PTK2: variants seen among roughly 807,000 people sequenced by gnomAD.
PTK2 encodes the protein protein tyrosine kinase 2.
A neutral mutation model predicts 150.1 loss-of-function variants in PTK2; 45 were observed. The observed-to-expected ratio is 0.30, with a 90% CI of 0.24 to 0.38. PTK2 has a LOEUF of 0.38. PTK2 is among the 10% of genes least tolerant of loss of function. The probability of loss-of-function intolerance (pLI) is 1.00; values close to 1 mark genes in which losing one functional copy is unlikely to be tolerated. For synonymous variants in PTK2, 432 were observed against 449.2 expected, an observed-to-expected ratio of 0.96 and a Z score of 0.48; for missense variants, 919 against 1,307.3, an observed-to-expected ratio of 0.70 and a Z score of 4.58.
intron 22 of PTK2, among the ~76,000 whole-genome samples, chr8:140,730,881 A>G (rs1246037262): frequency 1.3e-5 from 2 of 151,836 alleles, no homozygotes; most frequent in Non-Finnish European, 2.9e-5. Flanking sequence ...CAAATAATAA[A>G]GCTGTTTATT....
intron 2 of PTK2, among the ~76,000 whole-genome samples, chr8:140,913,603 T>A (rs951367232): frequency 1.3e-5 from 2 of 152,068 alleles, no homozygotes; most frequent in African/African-American, 4.8e-5. Context: ...GCCAGAAAAT[T>A]AAACTTAAAA....
At chr8:140,929,903 G>C (rs2100171109) in intron 1 of PTK2, among the ~76,000 whole-genome samples, 1 of 152,158 alleles carries the variant, frequency 6.6e-6, no homozygotes, top group African/African-American at 2.4e-5. Context: ...CCATGTCACT[G>C]TAAGTGCATC....
intron 31 of PTK2, among the ~76,000 whole-genome samples, chr8:140,664,333 G>A (rs1384769655): frequency 1.3e-5 from 2 of 151,970 alleles, no homozygotes; most frequent in East Asian, 3.9e-4. Context: ...GTAGAGATAG[G>A]GTCTCACTAT....
At chr8:140,722,986 G>C (rs1225385268) in intron 22 of PTK2, among the ~76,000 whole-genome samples, 1 of 152,326 alleles carries the variant, frequency 6.6e-6, no homozygotes, top group Non-Finnish European at 1.5e-5. Context: ...GGGCCACTCT[G>C]ATCTTAAGGC....
intron 1 of PTK2, among the ~76,000 whole-genome samples, chr8:140,932,097 C>G (rs1327346205): frequency 6.6e-6 from 1 of 152,170 alleles, no homozygotes; most frequent in Non-Finnish European, 1.5e-5. Context: ...CCCACTGACC[C>G]CATTCTCCTC....
chr8:140,758,641 A>T (rs1334657441), intron 16 of PTK2, among the ~76,000 whole-genome samples: 2 of 152,222 alleles, frequency 1.3e-5, no homozygotes, highest in Admixed American at 6.5e-5. Flanking sequence ...AAAAAAGTTT[A>T]AAAAATTAAA....
chr8:140,842,395 A>AT (rs769484157), intron 7 of PTK2, among the ~76,000 whole-genome samples: 4 of 152,096 alleles, frequency 2.6e-5, no homozygotes, highest in East Asian at 1.9e-4. Context: ...TTGACAATCA[A>AT]TATCTCCCAT....
intron 4 of PTK2, among the ~76,000 whole-genome samples, chr8:140,872,187 C>T (rs1472388783): frequency 6.6e-6 from 1 of 151,830 alleles, no homozygotes; most frequent in Non-Finnish European, 1.5e-5. Flanking sequence ...TGGGATTACA[C>T]GTGTGCACCA....
At position 140,675,681 on chromosome 8, in the gene PTK2, T is replaced by C. The variant is rs563312665; in HGVS notation, c.2563-182A>G. The C allele has an allele frequency of 8.8e-6, 5 of 565,524 alleles. No homozygotes were observed. In the East Asian group the frequency reaches 8.8e-5, roughly 10 times the overall value. 35.0% of individuals were successfully genotyped at this position (565,524 alleles called of 1,614,324 possible). On this transcript the variant is annotated intron_variant, in intron 27 of 31. Transcript: ENST00000522684. ...GTGGGGGATCAGGCAAATAAGCAAA[T>C]GATGCCAATAGCATGTGTGGAAAGG...
rs560944957 is a variant in PTK2, at chr8:140,684,288, G to A, written c.2562+2344C>T. ...TCATCAGGCATTAGAGTCTCATAAG[G>A]AGTGTGCAATCTAGATCTCTCACAT... On this transcript the variant is annotated intron_variant, in intron 27 of 31. Coordinates refer to ENST00000522684, the Ensembl canonical transcript of PTK2. Among the ~76,000 whole-genome samples the A allele has an allele frequency of 9.8e-5, 15 of 152,338 alleles. 1 individual carries two copies. The South Asian group carries it at 3.1e-3, about 32-fold the overall frequency.
chr8:141,001,239 C>CCGGCGGCGGCGGCGGCGGCGGCGG (rs559713729), upstream of PTK2: 8 of 148,208 alleles, frequency 5.4e-5, no homozygotes, highest in African/African-American at 2.0e-4. Flanking sequence ...TGGTCCGGGA[C>CCGGCGGCGGCGGCGGCGGCGGCGG]CGGCGGCGGC....
intron 26 of PTK2, among the ~76,000 whole-genome samples, chr8:140,688,600 G>A (rs1245591753): frequency 6.6e-6 from 1 of 152,090 alleles, no homozygotes; most frequent in Middle Eastern, 3.4e-3. Flanking sequence ...GTGTGCCTGA[G>A]TCCCAGCTAC....
chr8:140,959,493 C>G (rs1377359849), intron 1 of PTK2, among the ~76,000 whole-genome samples: 1 of 142,962 alleles, frequency 7.0e-6, no homozygotes, highest in Non-Finnish European at 1.5e-5. Flanking sequence ...GAGCGGAGAT[C>G]ACGACACTGC....
intron 4 of PTK2, among the ~76,000 whole-genome samples, chr8:140,870,564 C>T (rs552019302): frequency 6.6e-6 from 1 of 152,182 alleles, no homozygotes; most frequent in East Asian, 1.9e-4. Context: ...CATCAGAAGG[C>T]ATCAAAGACA....
At chr8:140,892,416 G>T (rs1444078904) in intron 2 of PTK2, among the ~76,000 whole-genome samples, 1 of 151,968 alleles carries the variant, frequency 6.6e-6, no homozygotes, top group Non-Finnish European at 1.5e-5. Context: ...CATGCTTGTG[G>T]TCCCAGCTAC....
At chr8:140,950,438 C>A (rs1333107316) in intron 1 of PTK2, among the ~76,000 whole-genome samples, 1 of 152,242 alleles carries the variant, frequency 6.6e-6, no homozygotes, top group East Asian at 1.9e-4. Context: ...AGAACTGGCA[C>A]CTGTGCCAGT....
At chr8:140,743,772 TTTC>T (rs1433033296) in intron 19 of PTK2, among the ~76,000 whole-genome samples, 1 of 151,484 alleles carries the variant, frequency 6.6e-6, no homozygotes, top group African/African-American at 2.4e-5. Context: ...ATGCTTAGTT[TTTC>T]TTTTCTTTTT....
intron 3 of PTK2, among the ~76,000 whole-genome samples, chr8:140,883,051 T>C (rs1390955072): frequency 6.6e-6 from 1 of 152,230 alleles, no homozygotes; most frequent in Non-Finnish European, 1.5e-5. Context: ...TATACTTTTG[T>C]TCATTTCTGA....
Position 140,805,570 on chromosome 8 carries a change from G to T in PTK2, c.868-1920C>A, listed in dbSNP as rs1181844067. 3.4e-5 allele frequency among the ~76,000 whole-genome samples: 5 copies of T among 145,942 alleles called. No individual in the cohort carries two copies. The East Asian group carries it at 1.0e-3, about 29-fold the overall frequency. On this transcript the variant is annotated intron_variant, in intron 10 of 31. Transcript: ENST00000522684. ...TGTCTCAAAAAAAAAAAAAAGAAGA[G>T]AAAAAAAAGATCATATTCAACAAGA...
Sources: gnomAD v4.1 joint callset for allele counts (sites outside exome capture counted in the v4.1 genomes callset) on GRCh38, gnomAD v4.1.1 for gene constraint, MANE v1.5 for transcripts, NCBI Gene and HGNC (gene_info 2026-07-23, HGNC 2026-07-21) for gene names.